The following TESK2 variants were observed in gnomAD, a reference collection of about 807,000 sequenced individuals.
TESK2 encodes the protein testis associated actin remodelling kinase 2.
Under a neutral mutation model 57.1 loss-of-function variants are expected in TESK2, and 39 were observed. The ratio of observed to expected loss-of-function variants is 0.68; its 90% CI spans 0.53 to 0.89. TESK2 has a LOEUF of 0.89. Ranked by LOEUF, TESK2 falls within the 40% of genes least tolerant of loss-of-function variation. The pLI, the probability that TESK2 is intolerant of heterozygous loss-of-function variation, is 0.00. For missense variants in TESK2, 646 were observed against 732.1 expected, an observed-to-expected ratio of 0.88 and a Z score of 1.36; for synonymous variants, 249 against 267.9, an observed-to-expected ratio of 0.93 and a Z score of 0.69.
At chr1:45,459,989 C>T (rs1652265355) in intron 1 of TESK2, among the ~76,000 whole-genome samples, 1 of 152,166 alleles carries the variant, frequency 6.6e-6, no homozygotes, top group South Asian at 2.1e-4. Context: ...CATGTTCTCA[C>T]TTATAACTAG....
chr1:45,409,483 G>C (rs1649960650), intron 3 of TESK2, among the ~76,000 whole-genome samples: 1 of 152,218 alleles, frequency 6.6e-6, no homozygotes, highest in Non-Finnish European at 1.5e-5. Flanking sequence ...TTTAGGGCCT[G>C]ATAGGTTAAA....
At chr1:45,451,687 T>C (rs1651878239) in intron 2 of TESK2, among the ~76,000 whole-genome samples, 2 of 152,144 alleles carry the variant, frequency 1.3e-5, no homozygotes, top group South Asian at 2.1e-4. Context: ...GCTCGACATT[T>C]GTGGAGGTGG....
intron 2 of TESK2, among the ~76,000 whole-genome samples, chr1:45,443,089 T>C (rs1651507247): frequency 6.6e-6 from 1 of 151,950 alleles, no homozygotes; most frequent in African/African-American, 2.4e-5. Context: ...CCTACTTTCA[T>C]TATTTCTAAG....
chr1:45,391,602 T>C (rs914778355), intron 3 of TESK2, among the ~76,000 whole-genome samples: 1 of 152,188 alleles, frequency 6.6e-6, no homozygotes, highest in African/African-American at 2.4e-5. Flanking sequence ...TTAAATGGCA[T>C]GAATGATTTT....
chr1:45,476,709 T>C (rs1045811452), intron 1 of TESK2, among the ~76,000 whole-genome samples: 1 of 151,582 alleles, frequency 6.6e-6, no homozygotes, highest in Admixed American at 6.6e-5. Context: ...TAGACAGGCC[T>C]GGTGGCACAC....
At chr1:45,349,716 C>G (rs988403074) in intron 5 of TESK2, among the ~76,000 whole-genome samples, 3 of 152,222 alleles carry the variant, frequency 2.0e-5, no homozygotes, top group Non-Finnish European at 4.4e-5. Flanking sequence ...ACATGTTTGC[C>G]TCTTCACTGG....
intron 3 of TESK2, among the ~76,000 whole-genome samples, chr1:45,386,915 G>C (rs1648925472): frequency 6.6e-6 from 1 of 152,166 alleles, no homozygotes; most frequent in African/African-American, 2.4e-5. Context: ...GCCTCCCAAA[G>C]TGATGGGATT....
chr1:45,427,350 G>C (rs1421599049), intron 2 of TESK2, among the ~76,000 whole-genome samples: 1 of 152,110 alleles, frequency 6.6e-6, no homozygotes, highest in African/African-American at 2.4e-5. Context: ...GAACAGTTTG[G>C]AGGTTCCTCA....
At chr1:45,367,055 G>C (rs1485463852) in intron 4 of TESK2, among the ~76,000 whole-genome samples, 1 of 152,076 alleles carries the variant, frequency 6.6e-6, no homozygotes, top group African/African-American at 2.4e-5. Flanking sequence ...GATGGCTTGA[G>C]CTGAGGAGGC....
At chr1:45,445,624 C>CAA (rs747691865) in intron 2 of TESK2, among the ~76,000 whole-genome samples, 11 of 108,086 alleles carry the variant, frequency 1.0e-4, no homozygotes, top group Admixed American at 2.1e-4. Context: ...CTGTCTCTAC[C>CAA]AAAAAAAAAA....
intron 3 of TESK2, 63 bp downstream of exon 3, chr1:45,421,662 T>A: frequency 6.2e-7 from 1 of 1,602,380 alleles, no homozygotes; most frequent in Admixed American, 1.7e-5. Flanking sequence ...CTATTAGTGC[T>A]ATTCTAGCAA....
At chr1:45,432,271 G>C (rs1650997797) in intron 2 of TESK2, among the ~76,000 whole-genome samples, 1 of 151,946 alleles carries the variant, frequency 6.6e-6, no homozygotes, top group African/African-American at 2.4e-5. Context: ...CTGGCATTAA[G>C]GGATCCTCCT....
intron 2 of TESK2, among the ~76,000 whole-genome samples, chr1:45,441,335 T>C (rs1651435774): frequency 6.6e-6 from 1 of 152,098 alleles, no homozygotes; most frequent in African/African-American, 2.4e-5. Context: ...CACGCCCAGC[T>C]AATTTTGTAT....
intron 1 of TESK2, among the ~76,000 whole-genome samples, chr1:45,484,899 C>T (rs1205475849): frequency 4.0e-5 from 6 of 149,890 alleles, no homozygotes; most frequent in South Asian, 2.1e-4. Flanking sequence ...GGCCTGGTGG[C>T]GGGCGCCTGT....
At chr1:45,473,303 C>T (rs1652849420) in intron 1 of TESK2, among the ~76,000 whole-genome samples, 1 of 151,996 alleles carries the variant, frequency 6.6e-6, no homozygotes, top group African/African-American at 2.4e-5. Flanking sequence ...AAGGGAACAT[C>T]AATATATACA....
At chr1:45,426,376 T>C (rs1376349053) in intron 2 of TESK2, among the ~76,000 whole-genome samples, 5 of 152,140 alleles carry the variant, frequency 3.3e-5, no homozygotes, top group Admixed American at 2.6e-4. Flanking sequence ...CTTCAACAAA[T>C]AGTGCTGGGA....
intron 2 of TESK2, among the ~76,000 whole-genome samples, chr1:45,443,568 CAAAAAAAAAAA>C (rs34128016): frequency 5.0e-4 from 16 of 32,048 alleles, no homozygotes; most frequent in South Asian, 1.9e-3. Flanking sequence ...AGATCCATCG[CAAAAAAAAAAA>C]AAAAAAAAAA....
chr1:45,415,726 T>G (rs1650213709), intron 3 of TESK2, among the ~76,000 whole-genome samples: 1 of 152,172 alleles, frequency 6.6e-6, no homozygotes, highest in East Asian at 1.9e-4. Context: ...CGTAAAATAT[T>G]TACTGTCATT....
chr1:45,411,479 C>T (rs142305893), intron 3 of TESK2, among the ~76,000 whole-genome samples: 6 of 152,256 alleles, frequency 3.9e-5, no homozygotes, highest in Non-Finnish European at 8.8e-5. Context: ...ATAATGCCAC[C>T]GCTGATCTGA....
Sources: allele counts gnomAD v4.1 joint callset (sites outside exome capture counted in the v4.1 genomes callset), GRCh38; gene constraint gnomAD v4.1.1; transcripts MANE v1.5; gene names NCBI Gene and HGNC (gene_info 2026-07-23, HGNC 2026-07-21).